Variants in HHAT observed in about 807,000 individuals in gnomAD.
HHAT encodes hedgehog acyltransferase, also known as protein-cysteine N-palmitoyltransferase HHAT.
Under a neutral mutation model 70.8 loss-of-function variants are expected in HHAT, and 47 were observed. The ratio of observed to expected loss-of-function variants is 0.66; its 90% CI spans 0.53 to 0.85. The LOEUF is 0.85. HHAT is among the 40% of genes least tolerant of loss of function. The probability of loss-of-function intolerance (pLI) is 0.00; values close to 1 mark genes in which losing one functional copy is unlikely to be tolerated. For synonymous variants in HHAT, 228 were observed against 247.6 expected (o/e 0.92, Z 0.74); for missense variants, 609 against 604.8 (o/e 1.01, Z -0.07).
intron 9 of HHAT, among the ~76,000 whole-genome samples, chr1:210,564,545 G>A (rs887309478): frequency 6.6e-6 from 1 of 152,214 alleles, no homozygotes; most frequent in African/African-American, 2.4e-5. Flanking sequence ...CTTATAAGAA[G>A]TATGTGTCTA....
chr1:210,592,669 G>A (rs749095847), intron 10 of HHAT, among the ~76,000 whole-genome samples: 9 of 151,806 alleles, frequency 5.9e-5, no homozygotes, highest in Admixed American at 2.6e-4. Flanking sequence ...CCATGAACAT[G>A]GAATATCTTT....
At chr1:210,550,509 C>T (rs114693663) in intron 9 of HHAT, among the ~76,000 whole-genome samples, 4,188 of 148,954 alleles carry the variant, frequency 0.028, 235 homozygotes, top group Non-Finnish European at 0.046. Context: ...GCTGTGAGCA[C>T]GGTAACGAGC....
chr1:210,346,160 T>C (rs1409965330), intron 1 of HHAT, among the ~76,000 whole-genome samples: 2 of 152,100 alleles, frequency 1.3e-5, no homozygotes, highest in Admixed American at 1.3e-4. Context: ...GCAGGAGGAT[T>C]GTCTCAGATA....
intron 6 of HHAT, among the ~76,000 whole-genome samples, chr1:210,416,364 G>A (rs2148265729): frequency 6.6e-6 from 1 of 152,330 alleles, no homozygotes; most frequent in Non-Finnish European, 1.5e-5. Context: ...GATGCAGCTT[G>A]ACATTTAGCA....
chr1:210,457,998 CAT>C (rs2093904476), intron 7 of HHAT, among the ~76,000 whole-genome samples: 2 of 152,252 alleles, frequency 1.3e-5, no homozygotes, highest in African/African-American at 4.8e-5. Flanking sequence ...TGCACTTCCT[CAT>C]GTGTGATACA....
At chr1:210,591,814 G>T (rs1383474995) in intron 10 of HHAT, among the ~76,000 whole-genome samples, 3 of 152,030 alleles carry the variant, frequency 2.0e-5, no homozygotes, top group African/African-American at 7.2e-5. Flanking sequence ...ATACCTGTTT[G>T]CCATTCATAT....
At chr1:210,640,666 C>A (rs533566328) in intron 11 of HHAT, among the ~76,000 whole-genome samples, 9 of 133,618 alleles carry the variant, frequency 6.7e-5, no homozygotes, top group African/African-American at 2.0e-4. Context: ...CCGCACTCCG[C>A]CCCCCACTGC....
chr1:210,363,629 A>T (rs1016664248), intron 3 of HHAT, among the ~76,000 whole-genome samples: 2 of 152,076 alleles, frequency 1.3e-5, no homozygotes, highest in African/African-American at 4.8e-5. Context: ...TCAGGACCCC[A>T]TTTCAGCTAT....
intron 7 of HHAT, among the ~76,000 whole-genome samples, chr1:210,422,885 C>T (rs1020778275): frequency 2.6e-5 from 4 of 152,158 alleles, no homozygotes; most frequent in South Asian, 2.1e-4. Context: ...GATCTGCCCA[C>T]CTCAGCCTCC....
intron 2 of HHAT, among the ~76,000 whole-genome samples, chr1:210,354,553 GCTCTCTCTATGTTGCTC>G (rs2087415051): frequency 6.6e-6 from 1 of 152,024 alleles, no homozygotes; most frequent in Non-Finnish European, 1.5e-5. Context: ...AGAGAGACAA[GCTCTCTCTATGTTGCTC>G]AGACTGGTCT....
intron 6 of HHAT, among the ~76,000 whole-genome samples, chr1:210,410,523 A>ATTTTTTT (rs35608235): frequency 8.6e-6 from 1 of 116,422 alleles, no homozygotes; most frequent in African/African-American, 3.6e-5. Flanking sequence ...TTATTTGTAA[A>ATTTTTTT]TTTTTTTTTT....
intron 7 of HHAT, among the ~76,000 whole-genome samples, chr1:210,455,878 T>G (rs772605576): frequency 6.6e-6 from 1 of 152,204 alleles, no homozygotes; most frequent in African/African-American, 2.4e-5. Flanking sequence ...TTTTACTGTT[T>G]GTGTGATTAT....
chr1:210,636,825 G>A (rs796878019), intron 11 of HHAT, among the ~76,000 whole-genome samples: 2 of 152,150 alleles, frequency 1.3e-5, no homozygotes, highest in South Asian at 4.1e-4. Flanking sequence ...TTAGGTAAAT[G>A]CCTTATTAGT....
At chr1:210,388,941 A>G (rs997898039) in intron 4 of HHAT, among the ~76,000 whole-genome samples, 5 of 152,134 alleles carry the variant, frequency 3.3e-5, no homozygotes, top group African/African-American at 1.2e-4. Flanking sequence ...GGATTGTACT[A>G]AGTTAATTGC....
chr1:210,520,640 A>G (rs1354303440), intron 9 of HHAT, among the ~76,000 whole-genome samples: 1 of 152,200 alleles, frequency 6.6e-6, no homozygotes, highest in African/African-American at 2.4e-5. Flanking sequence ...GGAGTACCTG[A>G]TACCATCCTC....
At chr1:210,554,902 T>C (rs1343876) in intron 9 of HHAT, among the ~76,000 whole-genome samples, 28,303 of 152,058 alleles carry the variant, frequency 0.19, 3,019 homozygotes, top group Middle Eastern at 0.27. Context: ...TGGAAGATGA[T>C]TGGGCATGAG....
At chr1:210,612,683 T>C (rs1666837725) in intron 10 of HHAT, among the ~76,000 whole-genome samples, 1 of 152,194 alleles carries the variant, frequency 6.6e-6, no homozygotes, top group African/African-American at 2.4e-5. Context: ...TGCTGGATCA[T>C]ATGGCAATTT....
At chr1:210,524,367 G>A (rs2095213674) in intron 9 of HHAT, among the ~76,000 whole-genome samples, 1 of 152,194 alleles carries the variant, frequency 6.6e-6, no homozygotes, top group South Asian at 2.1e-4. Flanking sequence ...GGGCAGGAAG[G>A]CCCTTTTTAA....
chr1:210,432,896 C>T (rs959022223), intron 7 of HHAT, among the ~76,000 whole-genome samples: 2 of 151,672 alleles, frequency 1.3e-5, no homozygotes, highest in South Asian at 4.1e-4. Context: ...GCTTTGGGCC[C>T]TGGTGGCAGC....
Sources: gnomAD v4.1 joint callset for allele counts (sites outside exome capture counted in the v4.1 genomes callset) on GRCh38, gnomAD v4.1.1 for gene constraint, MANE v1.5 for transcripts, NCBI Gene and HGNC (gene_info 2026-07-23, HGNC 2026-07-21) for gene names.